Variants in IFNAR1 observed in about 807,000 individuals in gnomAD.
IFNAR1 encodes interferon alpha and beta receptor subunit 1.
A neutral mutation model predicts 62.1 loss-of-function variants in IFNAR1; 47 were observed. The ratio of observed to expected loss-of-function variants is 0.76; its 90% CI spans 0.60 to 0.97. The LOEUF is 0.97. Among genes scored for constraint, IFNAR1 ranks in the 50% least tolerant of loss-of-function variants. The pLI is 0.00. For synonymous variants in IFNAR1, 219 were observed against 226.9 expected, an observed-to-expected ratio of 0.97 and a Z score of 0.31; for missense variants, 638 against 654.5, an observed-to-expected ratio of 0.97 and a Z score of 0.27.
chr21:33,326,561 G>A (rs1439993974), intron 1 of IFNAR1, among the ~76,000 whole-genome samples: 1 of 152,198 alleles, frequency 6.6e-6, no homozygotes, highest in African/African-American at 2.4e-5. Context: ...TGAAGTTACA[G>A]TTGGCATCCC....
At chr21:33,347,889 G>A (rs975712158) in intron 6 of IFNAR1, among the ~76,000 whole-genome samples, 1 of 152,178 alleles carries the variant, frequency 6.6e-6, no homozygotes, top group African/African-American at 2.4e-5. Context: ...GAAGAAAGCT[G>A]AATAAGTAGA....
chr21:33,342,582 C>T (rs1206172884), intron 3 of IFNAR1, among the ~76,000 whole-genome samples: 1 of 151,924 alleles, frequency 6.6e-6, no homozygotes, highest in Admixed American at 6.6e-5. Flanking sequence ...CGGTGGCTCA[C>T]GCCTGTAATC....
In IFNAR1 at chr21:33,346,863, A is replaced by G. The variant is rs534888035; in HGVS notation, c.788+1503A>G. ...AATTCAGATTTTTTTTAAGTAGACA[A>G]CTATTAGATGTTAGTTTTCTGTGTC... On this transcript the variant is annotated intron_variant, in intron 6 of 10. Transcript: ENST00000270139. 5.3e-5 allele frequency among the ~76,000 whole-genome samples: 8 copies of G among 152,328 alleles called. 1 individual carries two copies. The South Asian group carries it at 8.3e-4, about 16-fold the overall frequency.
intron 2 of IFNAR1, among the ~76,000 whole-genome samples, chr21:33,335,864 C>T (rs1317421069): frequency 1.3e-5 from 2 of 150,648 alleles, no homozygotes; most frequent in Non-Finnish European, 2.9e-5. Flanking sequence ...GGGTGGTAGA[C>T]AGCGTCTCTA....
At chr21:33,333,273 C>G (rs1202562695) in intron 1 of IFNAR1, among the ~76,000 whole-genome samples, 3 of 152,144 alleles carry the variant, frequency 2.0e-5, no homozygotes, top group Admixed American at 6.5e-5. Flanking sequence ...ACAGTTTTTC[C>G]CAGACAAGCA....
At position 33,343,348 on chromosome 21, in the gene IFNAR1, A is replaced by G; in HGVS notation, c.457A>G (p.Ser153Gly). ...ACACATCTCTCCTGGAACAAAAGAT[A>G]GTGTTATGTGGGCTTTGGATGGTTT... ...VIHISPGTKD[S>G]VMWALDGLSF... The change falls in exon 4 of 11, where the codon AGT (serine) becomes GGT (glycine). Residue 153 changes from serine to glycine, a missense_variant. Ser to Gly is a moderately conservative substitution (Grantham distance 56). Transcript: ENST00000270139. 2 of 1,611,984 alleles carry G rather than the reference A, an allele frequency of 1.2e-6. No individual in the cohort carries two copies. The highest frequency in any genetic ancestry group is 4.5e-5 in the East Asian group (2 of 44,846).
chr21:33,351,064 A>G (rs1340589518), intron 8 of IFNAR1, among the ~76,000 whole-genome samples: 1 of 152,238 alleles, frequency 6.6e-6, no homozygotes, highest in African/African-American at 2.4e-5. Context: ...ATCTTAACCT[A>G]TACTGGATAA....
At chr21:33,336,215 T>C (rs2123670342) in intron 2 of IFNAR1, among the ~76,000 whole-genome samples, 1 of 135,572 alleles carries the variant, frequency 7.4e-6, no homozygotes, top group East Asian at 2.0e-4. Context: ...AGAATGATGA[T>C]TTCCAATTTC....
At chr21:33,339,800 C>T (rs1170321787) in intron 2 of IFNAR1, among the ~76,000 whole-genome samples, 4 of 151,758 alleles carry the variant, frequency 2.6e-5, no homozygotes, top group African/African-American at 4.8e-5. Context: ...TGGTGGCACA[C>T]GCCTGTAATC....
intron 2 of IFNAR1, among the ~76,000 whole-genome samples, chr21:33,337,198 G>C (rs895123289): frequency 6.6e-6 from 1 of 151,774 alleles, no homozygotes; most frequent in Non-Finnish European, 1.5e-5. Context: ...ACTCCAGCCT[G>C]GGAGACAGCA....
chr21:33,325,122 G>A lies in IFNAR1; in HGVS notation c.67G>A (p.Ala23Thr), dbSNP rs1219830561. The A allele has an allele frequency of 3.7e-6, 6 of 1,610,800 alleles. No individual in the cohort carries two copies. The Admixed American group carries it at 1.0e-4, about 27-fold the overall frequency. The change falls in exon 1 of 11, where the codon GCA (alanine) becomes ACA (threonine). Residue 23 changes from alanine to threonine, a missense_variant. By Grantham distance (58) the Ala-to-Thr change is moderately conservative. Transcript: ENST00000270139. ...LVAVAPWVLSAAAGGKNLKSP... is the reference protein window; with the variant it reads ...LVAVAPWVLSTAAGGKNLKSP... ...CGCCGTGGCGCCATGGGTGTTGTCC[G>A]CAGCCGCAGGTGAGAGGCGGGGAGG... is the stretch of plus-strand genomic sequence containing the variant.
chr21:33,353,115 C>G (rs2083414726), intron 9 of IFNAR1, among the ~76,000 whole-genome samples: 1 of 152,122 alleles, frequency 6.6e-6, no homozygotes, highest in African/African-American at 2.4e-5. Flanking sequence ...TTGTTGGATG[C>G]TTTATATTTC....
intron 7 of IFNAR1, 46 bp downstream of exon 7, chr21:33,349,336 T>C (rs56261250): frequency 1.5e-5 from 24 of 1,568,090 alleles, no homozygotes; most frequent in Non-Finnish European, 2.0e-5. Context: ...CTGGTGCAAG[T>C]TTTTAAAATT....
chr21:33,327,755 C>T (rs2083140192), intron 1 of IFNAR1, among the ~76,000 whole-genome samples: 2 of 152,168 alleles, frequency 1.3e-5, no homozygotes, highest in South Asian at 4.1e-4. Context: ...GTCCTGGCCA[C>T]ATGTGCCCAA....
Position 33,358,429 on chromosome 21 carries a change from T to A in IFNAR1, c.*2880T>A, listed in dbSNP as rs2083469544. ...TCTAAGAATTTATATGAAAGATTTG[T>A]ATCATTAGAGCCAGAAATAATTTTA... On this transcript the variant is annotated 3_prime_UTR_variant, in exon 11 of 11. Transcript: ENST00000270139. 1.3e-5 allele frequency: 2 copies of A among 152,136 alleles called. No individual in the cohort carries two copies. 9.4% of individuals were successfully genotyped at this position (152,136 alleles called of 1,614,324 possible).
At chr21:33,331,044 G>A (rs764456161) in intron 1 of IFNAR1, among the ~76,000 whole-genome samples, 3 of 152,134 alleles carry the variant, frequency 2.0e-5, no homozygotes, top group African/African-American at 4.8e-5. Flanking sequence ...GTCTTGCTTC[G>A]GGGACTTGTA....
intron 10 of IFNAR1, 67 bp from the exon 11 acceptor site, chr21:33,355,249 C>G: frequency 1.2e-6 from 1 of 809,162 alleles, no homozygotes; most frequent in Non-Finnish European, 1.9e-6. Context: ...AAAGCTATTA[C>G]AACTAGAAAA....
rs2083437274 is a variant in IFNAR1 at position 33,355,396 on chromosome 21, T to C, written c.1521T>C (p.Asn507=). The C allele has an allele frequency of 1.2e-6, 2 of 1,603,732 alleles. No individual in the cohort carries two copies. Among genetic ancestry groups the C allele is most frequent in the South Asian group, 2.2e-5 (2 of 89,108 alleles). ...EQIEKCFIIE[N]ISTIATVEET... The stretch of plus-strand genomic sequence containing the variant: ...TCGAAAAATGTTTCATAATTGAAAA[T>C]ATAAGCACAATTGCTACAGTAGAAG... Residue 507 remains asparagine, a synonymous_variant, in exon 11 of 11, where the codon AAT becomes AAC. Transcript: ENST00000270139.
intron 6 of IFNAR1, 117 bp downstream of exon 6, chr21:33,345,477 A>T (rs2083336920): frequency 1.5e-6 from 1 of 672,582 alleles, no homozygotes; most frequent in South Asian, 1.7e-5. Flanking sequence ...GGTGGGTACG[A>T]TATATTGGAA....
Sources: allele counts gnomAD v4.1 joint callset (sites outside exome capture counted in the v4.1 genomes callset), GRCh38; gene constraint gnomAD v4.1.1; transcripts MANE v1.5; gene names NCBI Gene and HGNC (gene_info 2026-07-23, HGNC 2026-07-21).